The following TTC29 variants were observed in gnomAD, a reference collection of about 807,000 sequenced individuals.
TTC29 encodes the protein tetratricopeptide repeat protein 29.
In TTC29, 49 loss-of-function variants were observed where a neutral mutation model predicts 58.1. The observed-to-expected ratio is 0.84, with a 90% confidence interval of 0.67 to 1.07. TTC29 has a LOEUF of 1.07. Ranked by LOEUF, TTC29 falls within the 50% of genes least tolerant of loss-of-function variation. The pLI is 0.00. For missense variants in TTC29, 582 were observed against 555.6 expected (o/e 1.05, Z -0.48); for synonymous variants, 209 against 196.8 (o/e 1.06, Z -0.52).
At chr4:146,739,337 T>C (rs1351430143) in intron 11 of TTC29, among the ~76,000 whole-genome samples, 1 of 152,194 alleles carries the variant, frequency 6.6e-6, no homozygotes, top group Non-Finnish European at 1.5e-5. Context: ...AATACCCCCT[T>C]CACCCTGACG....
At chr4:146,807,113 C>T (rs1444101610) in intron 10 of TTC29, among the ~76,000 whole-genome samples, 1 of 152,174 alleles carries the variant, frequency 6.6e-6, no homozygotes, top group Non-Finnish European at 1.5e-5. Flanking sequence ...TACATGGAAA[C>T]TGAACAACAT....
rs1733745511 is a variant in TTC29, at chr4:146,909,331, G to C, written c.177-82C>G. ...GTATTTTCATTCTCTAATAATTAAA[G>C]GTTGAATCATGTTGCCTTTTATCCC... On this transcript the variant is annotated intron_variant, in intron 4 of 12. Coordinates refer to ENST00000325106, the MANE Select transcript of TTC29 (RefSeq NM_031956.4). The C allele has an allele frequency of 3.5e-6, 4 of 1,128,028 alleles. No individual in the cohort carries two copies. The African/African-American group carries it at 6.2e-5, about 18-fold the overall frequency. The allele number at this position is 1,128,028 out of a possible 1,614,324, so 69.9% of individuals were successfully genotyped here.
intron 8 of TTC29, among the ~76,000 whole-genome samples, chr4:146,840,660 G>A (rs866753599): frequency 3.3e-5 from 5 of 152,078 alleles, no homozygotes; most frequent in African/African-American, 1.2e-4. Flanking sequence ...AGCCTACGTT[G>A]TATTTGGGCA....
intron 11 of TTC29, among the ~76,000 whole-genome samples, chr4:146,778,056 T>C (rs929286068): frequency 6.6e-6 from 1 of 152,208 alleles, no homozygotes; most frequent in Non-Finnish European, 1.5e-5. Context: ...CAATGAACTG[T>C]AGTTCATGGA....
chr4:146,820,040 A>T lies in TTC29; in HGVS notation c.1101+85T>A, dbSNP rs1286530315. The T allele has an allele frequency of 1.9e-6, 3 of 1,542,368 alleles. No individual in the cohort carries two copies. In the African/African-American group the frequency reaches 4.1e-5, roughly 21 times the overall value. On this transcript the variant is annotated intron_variant, in intron 10 of 12. Coordinates refer to ENST00000325106, the MANE Select transcript of TTC29 (RefSeq NM_031956.4). The stretch of plus-strand genomic sequence containing the variant: ...CATAATATATTGTGGGAAGACAAGG[A>T]TGACATGAGAAGATACTTTTAAAAT...
At chr4:146,728,806 C>A (rs1056274814) in intron 11 of TTC29, among the ~76,000 whole-genome samples, 11 of 124,294 alleles carry the variant, frequency 8.8e-5, no homozygotes, top group Admixed American at 3.2e-4. Context: ...TATATATACA[C>A]ATATATATGT....
intron 9 of TTC29, among the ~76,000 whole-genome samples, chr4:146,829,235 T>A (rs904665170): frequency 2.6e-5 from 4 of 152,228 alleles, no homozygotes; most frequent in East Asian, 1.9e-4. Context: ...AGTTTCCAAC[T>A]GGGAAAACAG....
chr4:146,934,545 A>G (rs2150324515), intron 4 of TTC29, among the ~76,000 whole-genome samples: 1 of 152,272 alleles, frequency 6.6e-6, no homozygotes, highest in African/African-American at 2.4e-5. Context: ...CCAGTGCTGG[A>G]TTTATAAATT....
chr4:146,783,762 C>G (rs1748796924), intron 11 of TTC29, among the ~76,000 whole-genome samples: 1 of 151,742 alleles, frequency 6.6e-6, no homozygotes, highest in African/African-American at 2.4e-5. Flanking sequence ...ATTATAGGAG[C>G]ATCTCAGAAA....
chr4:146,858,901 TCACTC>T (rs1054710689), intron 8 of TTC29, among the ~76,000 whole-genome samples: 1 of 152,178 alleles, frequency 6.6e-6, no homozygotes, highest in African/African-American at 2.4e-5. Context: ...TGTTGTCCTC[TCACTC>T]CAAAGAGTTG....
Position 146,909,158 on chromosome 4 carries a change from G to A in TTC29, c.268C>T (p.Arg90Trp), listed in dbSNP as rs200222987. 1,366 of 1,613,670 alleles carry A rather than the reference G, an allele frequency of 8.5e-4. 2 individuals carry two copies. Among genetic ancestry groups the A allele is most frequent in the Non-Finnish European group, 1.1e-3 (1,258 of 1,179,798 alleles). ...GCAGCCTCCCTCAGGGCATCCCACC[G>A]CTCCATCAGAGCGAAGAGCTCGGTG... ...SFTELFALME[R>W]WDALREAARV... The change falls in exon 5 of 13, where the codon CGG becomes TGG. Residue 90 changes from arginine to tryptophan, a missense_variant. Coordinates refer to ENST00000325106, the MANE Select transcript of TTC29 (RefSeq NM_031956.4).
At chr4:146,874,361 A>T (rs998384307) in intron 7 of TTC29, among the ~76,000 whole-genome samples, 2 of 152,176 alleles carry the variant, frequency 1.3e-5, no homozygotes, top group Non-Finnish European at 2.9e-5. Context: ...AAACAATGAA[A>T]GGTCTCTAAG....
intron 8 of TTC29, among the ~76,000 whole-genome samples, chr4:146,859,955 C>A (rs1730120620): frequency 6.6e-6 from 1 of 152,098 alleles, no homozygotes; most frequent in Non-Finnish European, 1.5e-5. Context: ...CATACAAAGA[C>A]TGAGCCATGG....
intron 8 of TTC29, among the ~76,000 whole-genome samples, chr4:146,855,954 C>T (rs1179481068): frequency 6.6e-6 from 1 of 152,192 alleles, no homozygotes; most frequent in Non-Finnish European, 1.5e-5. Flanking sequence ...TCTAGATCAA[C>T]GAGTGCTAAC....
chr4:146,814,449 C>T (rs1350377771), intron 10 of TTC29, among the ~76,000 whole-genome samples: 2 of 150,960 alleles, frequency 1.3e-5, no homozygotes, highest in African/African-American at 2.4e-5. Flanking sequence ...GGTGGGGGGA[C>T]GGGCACGGTG....
intron 11 of TTC29, among the ~76,000 whole-genome samples, chr4:146,740,822 T>C (rs1745079327): frequency 6.6e-6 from 1 of 152,130 alleles, no homozygotes; most frequent in South Asian, 2.1e-4. Flanking sequence ...CTTGAACTTC[T>C]GGGCTCAAGT....
At chr4:146,827,155 G>A (rs2150149730) in intron 9 of TTC29, among the ~76,000 whole-genome samples, 1 of 152,132 alleles carries the variant, frequency 6.6e-6, no homozygotes, top group East Asian at 1.9e-4. Flanking sequence ...CCCTTGGCTG[G>A]AGGGAGGGGG....
intron 11 of TTC29, among the ~76,000 whole-genome samples, chr4:146,778,883 A>G (rs1182651227): frequency 1.4e-5 from 2 of 144,276 alleles, no homozygotes; most frequent in Non-Finnish European, 3.0e-5. Context: ...ATTGTTCACT[A>G]TTCAGATGAT....
chr4:146,752,712 C>A (rs1230519330), intron 11 of TTC29, among the ~76,000 whole-genome samples: 1 of 152,054 alleles, frequency 6.6e-6, no homozygotes, highest in Non-Finnish European at 1.5e-5. Context: ...AGATATAGAC[C>A]AGTGGAACAG....
Sources: allele counts gnomAD v4.1 joint callset (sites outside exome capture counted in the v4.1 genomes callset), GRCh38; gene constraint gnomAD v4.1.1; transcripts MANE v1.5; gene names NCBI Gene and HGNC (gene_info 2026-07-23, HGNC 2026-07-21).